LRBA: variants seen among roughly 807,000 people sequenced by gnomAD.
LRBA encodes the protein LPS responsive beige-like anchor protein, also known as lipopolysaccharide-responsive and beige-like anchor protein.
In LRBA, 176 loss-of-function variants were observed where a neutral mutation model predicts 330.0. The ratio of observed to expected loss-of-function variants is 0.53; its 90% CI spans 0.47 to 0.60. The LOEUF (loss-of-function observed/expected upper bound fraction) is 0.60. LRBA is among the 20% of genes least tolerant of loss of function. The probability of loss-of-function intolerance (pLI) is 0.00; values close to 1 mark genes in which losing one functional copy is unlikely to be tolerated. For synonymous variants in LRBA, 1,230 were observed against 1,193.0 expected (o/e 1.03, Z -0.64); for missense variants, 3,259 against 3,444.8 (o/e 0.95, Z 1.35).
chr4:150,909,535 ACTGGACATGTGGGTTACTTCTATCT>A lies in LRBA; in HGVS notation c.1162-703_1162-679del, dbSNP rs1360057077. ...CATTTTCTTTATCCATTCATCTGCT[ACTGGACATGTGGGTTACTTCTATCT>A]CTGGGTTATCGAGAATATTACTATG... On this transcript the variant is annotated intron_variant, in intron 9 of 56. Transcript: ENST00000651943. 4.6e-5 allele frequency among the ~76,000 whole-genome samples: 7 copies of A among 152,136 alleles called. No homozygotes were observed. The East Asian group carries it at 1.3e-3, about 29-fold the overall frequency.
At chr4:150,577,777 C>T (rs944965648) in intron 40 of LRBA, among the ~76,000 whole-genome samples, 8 of 152,028 alleles carry the variant, frequency 5.3e-5, no homozygotes, top group African/African-American at 1.7e-4. Flanking sequence ...GTAACAAATG[C>T]ACTGACGTTA....
rs145123458 is a variant in LRBA, at chr4:150,870,532, T to C, written c.2442A>G (p.Gln814=). ...HPDPDSSVKI[Q]NPQILKVIAT... ...AGTATATAAAATACATACGAGGGTT[T>C]TGTATCTTCACTGAAGAATCAGGAT... Residue 814 remains glutamine, a synonymous_variant, in exon 20 of 57, where the codon CAA becomes CAG. Transcript: ENST00000651943. The C allele has an allele frequency of 2.5e-5, 39 of 1,569,998 alleles. No individual in the cohort carries two copies. Among genetic ancestry groups the C allele is most frequent in the Non-Finnish European group, 5.3e-6 (6 of 1,140,822 alleles).
chr4:150,368,617 AC>A (rs1198874878), intron 47 of LRBA, among the ~76,000 whole-genome samples: 1 of 152,234 alleles, frequency 6.6e-6, no homozygotes, highest in Non-Finnish European at 1.5e-5. Flanking sequence ...ATTTAAAAAA[AC>A]AAATCACTAA....
At chr4:150,381,885 T>A (rs905677132) in intron 47 of LRBA, among the ~76,000 whole-genome samples, 11 of 152,220 alleles carry the variant, frequency 7.2e-5, no homozygotes, top group African/African-American at 2.7e-4. Context: ...CGTGAGGTGG[T>A]GTGATTTGCA....
intron 37 of LRBA, among the ~76,000 whole-genome samples, chr4:150,660,459 G>T (rs1373481494): frequency 6.6e-6 from 1 of 151,028 alleles, no homozygotes; most frequent in Admixed American, 6.6e-5. Context: ...CCGGCCAGCC[G>T]CCCCGTCCGG....
rs1459012572 is a variant in LRBA at position 150,265,723 on chromosome 4, CAGT to C, written c.8555_8557del (p.Tyr2852del). 2 of 1,604,564 alleles carry C rather than the reference CAGT, an allele frequency of 1.2e-6. No individual in the cohort carries two copies. Among genetic ancestry groups the C allele is most frequent in the Non-Finnish European group, 1.7e-6 (2 of 1,171,304 alleles). On this transcript the variant is annotated inframe_deletion, in exon 57 of 57. Transcript: ENST00000651943. Reference sequence around the variant, plus strand: ...AGAGTTGATGTACAGCTGTCACCATCAGTAGCGGGTTTGGTATTCATGATGCCA... The same window carrying C: ...AGAGTTGATGTACAGCTGTCACCATCAGCGGGTTTGGTATTCATGATGCCA...
intron 2 of LRBA, among the ~76,000 whole-genome samples, chr4:150,966,092 T>A (rs1322974456): frequency 1.3e-5 from 2 of 152,208 alleles, no homozygotes; most frequent in African/African-American, 2.4e-5. Context: ...TTGTACATGA[T>A]CCATCTTCAT....
chr4:151,008,360 C>T (rs913493313), intron 2 of LRBA, among the ~76,000 whole-genome samples: 30 of 152,044 alleles, frequency 2.0e-4, no homozygotes, highest in Admixed American at 8.5e-4. Context: ...TGATTACAGG[C>T]ATGAGCCACC....
intron 37 of LRBA, among the ~76,000 whole-genome samples, chr4:150,673,137 C>T (rs780000359): frequency 2.0e-5 from 3 of 152,112 alleles, no homozygotes; most frequent in Non-Finnish European, 4.4e-5. Context: ...CAAGGAGAGG[C>T]ATAAATGACT....
chr4:150,353,986 A>T (rs1204293433), intron 47 of LRBA, among the ~76,000 whole-genome samples: 1 of 152,186 alleles, frequency 6.6e-6, no homozygotes, highest in Non-Finnish European at 1.5e-5. Context: ...ATTTCAGTAC[A>T]AAGTCAGCTC....
chr4:150,510,270 G>A (rs996524534), intron 40 of LRBA, among the ~76,000 whole-genome samples: 12 of 152,134 alleles, frequency 7.9e-5, no homozygotes, highest in Non-Finnish European at 1.3e-4. Context: ...TCCAGGCTCA[G>A]CAGACTACAC....
chr4:150,933,453 A>G (rs1202763220), intron 2 of LRBA, among the ~76,000 whole-genome samples: 4 of 152,144 alleles, frequency 2.6e-5, no homozygotes, highest in Non-Finnish European at 5.9e-5. Context: ...GCCACTCCAC[A>G]TGATATGAAA....
At chr4:150,590,516 TGAG>T (rs1421490018) in intron 39 of LRBA, among the ~76,000 whole-genome samples, 194 bp downstream of exon 39, 6 of 151,822 alleles carry the variant, frequency 4.0e-5, no homozygotes, top group Non-Finnish European at 7.4e-5. Flanking sequence ...AAGAAAAAAA[TGAG>T]GAGAGTAAGA....
At chr4:150,968,239 A>T (rs911640600) in intron 2 of LRBA, among the ~76,000 whole-genome samples, 5 of 152,042 alleles carry the variant, frequency 3.3e-5, no homozygotes, top group Non-Finnish European at 5.9e-5. Context: ...CCTGACCTCA[A>T]GTGATCACCC....
chr4:150,840,852 C>A, intron 28 of LRBA: 1 of 904,736 alleles, frequency 1.1e-6, no homozygotes, highest in East Asian at 8.6e-5. Flanking sequence ...TGAGGCATGC[C>A]TGTAAATAGA....
At chr4:150,334,832 T>G (rs1342621274) in intron 48 of LRBA, among the ~76,000 whole-genome samples, 1 of 19,228 alleles carries the variant, frequency 5.2e-5, no homozygotes, top group Admixed American at 3.5e-4. Flanking sequence ...TTTGTCTTGG[T>G]TTTTTTTTTT....
At position 150,435,695 on chromosome 4, in the gene LRBA, G is replaced by A; in HGVS notation, c.6935C>T (p.Thr2312Ile). 1 of 1,599,724 alleles carries A rather than the reference G, an allele frequency of 6.3e-7. No homozygotes were observed. Among genetic ancestry groups the A allele is most frequent in the Non-Finnish European group, 8.5e-7 (1 of 1,175,770 alleles). ...GCCTCCTTGCAAATTTAGGAAATAA[G>A]TTGTAAAGGGTTCCTAAAAAATAGC... ...AWLLRIEPFT[T>I]YFLNLQGGKF... The change falls in exon 46 of 57, where the codon ACT (threonine) becomes ATT (isoleucine). Residue 2312 changes from threonine to isoleucine, a missense_variant. Transcript: ENST00000651943.
chr4:151,011,197 AAG>A (rs1374673898), intron 2 of LRBA, among the ~76,000 whole-genome samples: 1 of 151,906 alleles, frequency 6.6e-6, no homozygotes, highest in Non-Finnish European at 1.5e-5. Context: ...AAAAAAAAAA[AAG>A]AGAAAAAACT....
In LRBA at chr4:150,549,613, G is replaced by A. The variant is rs554802219; in HGVS notation, c.6330+38435C>T. ...CCCAAAATGCTGGGATTACAGGCATGAGCCACTGCACCCAGCCTCATTTGT... is the reference window on the plus strand; with the variant it reads ...CCCAAAATGCTGGGATTACAGGCATAAGCCACTGCACCCAGCCTCATTTGT... On this transcript the variant is annotated intron_variant, in intron 40 of 56. Coordinates refer to ENST00000651943, the MANE Select transcript of LRBA (RefSeq NM_001364905.1). Among the ~76,000 whole-genome samples the A allele has an allele frequency of 4.6e-5, 7 of 152,308 alleles. No homozygotes were observed. In the South Asian group the frequency reaches 8.3e-4, roughly 18 times the overall value.
Sources: allele counts gnomAD v4.1 joint callset (sites outside exome capture counted in the v4.1 genomes callset), GRCh38; gene constraint gnomAD v4.1.1; transcripts MANE v1.5; gene names NCBI Gene and HGNC (gene_info 2026-07-23, HGNC 2026-07-21).